Variants in SLC35F1 observed in about 807,000 individuals in gnomAD.
SLC35F1 encodes the protein chromosome 6 open reading frame 169.
A neutral mutation model predicts 48.7 loss-of-function variants in SLC35F1; 14 were observed. That is an observed-to-expected ratio of 0.29 (90% confidence interval 0.19 to 0.45). SLC35F1 has a LOEUF of 0.45. Among genes scored for constraint, SLC35F1 ranks in the 20% least tolerant of loss-of-function variants. The pLI is 1.00. For synonymous variants in SLC35F1, 190 were observed against 202.2 expected, an observed-to-expected ratio of 0.94 and a Z score of 0.51; for missense variants, 404 against 500.0, an observed-to-expected ratio of 0.81 and a Z score of 1.83.
intron 2 of SLC35F1, among the ~76,000 whole-genome samples, chr6:118,226,103 A>G (rs1441823915): frequency 6.6e-6 from 1 of 152,244 alleles, no homozygotes; most frequent in African/African-American, 2.4e-5. Context: ...CAAATGGCCA[A>G]CAGGTACATG....
chr6:117,993,613 A>G (rs1385083032), intron 1 of SLC35F1, among the ~76,000 whole-genome samples: 1 of 152,128 alleles, frequency 6.6e-6, no homozygotes, highest in Admixed American at 6.5e-5. Context: ...GTATTCCCCG[A>G]GAACAACTCA....
At chr6:118,091,927 G>C (rs375783735) in intron 1 of SLC35F1, among the ~76,000 whole-genome samples, 1 of 152,192 alleles carries the variant, frequency 6.6e-6, no homozygotes, top group African/African-American at 2.4e-5. Context: ...TTTTGACCCT[G>C]CCCTAGAGAT....
At chr6:118,081,400 A>G (rs1416028927) in intron 1 of SLC35F1, among the ~76,000 whole-genome samples, 2 of 151,880 alleles carry the variant, frequency 1.3e-5, no homozygotes, top group Non-Finnish European at 2.9e-5. Context: ...GGAGGCTGAG[A>G]TGGGAGGATT....
At chr6:118,106,150 C>T (rs943879922) in intron 1 of SLC35F1, among the ~76,000 whole-genome samples, 1 of 152,096 alleles carries the variant, frequency 6.6e-6, no homozygotes, top group Non-Finnish European at 1.5e-5. Flanking sequence ...TACCTGTCCT[C>T]TCCTCCTCAC....
intron 1 of SLC35F1, among the ~76,000 whole-genome samples, chr6:118,031,683 G>A (rs946998212): frequency 7.9e-5 from 12 of 152,214 alleles, no homozygotes; most frequent in Non-Finnish European, 1.5e-4. Context: ...CTCCTGCAGA[G>A]TAGGGCAACC....
At chr6:118,304,519 G>T (rs1776290003) in intron 7 of SLC35F1, among the ~76,000 whole-genome samples, 1 of 152,110 alleles carries the variant, frequency 6.6e-6, no homozygotes, top group Non-Finnish European at 1.5e-5. Context: ...TGGGTTGATT[G>T]TTCTGTTCTT....
chr6:118,002,779 C>G (rs1015696239), intron 1 of SLC35F1, among the ~76,000 whole-genome samples: 1 of 151,202 alleles, frequency 6.6e-6, no homozygotes, highest in Admixed American at 6.6e-5. Flanking sequence ...TCTAACCTGT[C>G]TGGAAGAAAA....
chr6:118,266,687 G>A (rs1325687184), intron 3 of SLC35F1, among the ~76,000 whole-genome samples: 1 of 152,116 alleles, frequency 6.6e-6, no homozygotes, highest in Non-Finnish European at 1.5e-5. Context: ...TGGCCCTGAG[G>A]AAGACAGGAG....
At chr6:118,137,360 AG>A (rs1773812113) in intron 1 of SLC35F1, among the ~76,000 whole-genome samples, 1 of 152,242 alleles carries the variant, frequency 6.6e-6, no homozygotes, top group South Asian at 2.1e-4. Flanking sequence ...CAAGAGTGGA[AG>A]AAATGGTGAC....
chr6:118,275,352 A>C, intron 4 of SLC35F1, 107 bp from the exon 5 acceptor site: 2 of 1,191,282 alleles, frequency 1.7e-6, no homozygotes, highest in African/African-American at 3.1e-5. Context: ...CTTCTATAAA[A>C]ATGTCAAAAT....
At chr6:118,125,376 TG>T (rs11355076) in intron 1 of SLC35F1, among the ~76,000 whole-genome samples, 35,659 of 142,792 alleles carry the variant, frequency 0.25, 4,523 homozygotes, top group East Asian at 0.35. Context: ...TATGGTATTT[TG>T]GGGGGGGGGA....
chr6:118,044,666 G>A (rs909068493), intron 1 of SLC35F1, among the ~76,000 whole-genome samples: 14 of 152,046 alleles, frequency 9.2e-5, no homozygotes, highest in African/African-American at 3.4e-4. Context: ...AAATAATTAA[G>A]AATTATTCCA....
chr6:117,957,852 T>A (rs561925650), intron 1 of SLC35F1, among the ~76,000 whole-genome samples: 1 of 152,346 alleles, frequency 6.6e-6, no homozygotes, highest in African/African-American at 2.4e-5. Context: ...GTGAACAAGT[T>A]ACTGGCTTAT....
chr6:118,204,140 G>A (rs538271444), intron 2 of SLC35F1, among the ~76,000 whole-genome samples: 36 of 151,728 alleles, frequency 2.4e-4, no homozygotes, highest in Non-Finnish European at 3.1e-4. Flanking sequence ...GAGTGAGAGT[G>A]AGCAGGAGAG....
At chr6:117,962,359 T>C (rs1303762847) in intron 1 of SLC35F1, among the ~76,000 whole-genome samples, 1 of 152,210 alleles carries the variant, frequency 6.6e-6, no homozygotes, top group African/African-American at 2.4e-5. Context: ...CAGTGAGAAT[T>C]ATTTTTTCCC....
chr6:117,925,476 A>G (rs999166143), intron 1 of SLC35F1, among the ~76,000 whole-genome samples: 1 of 152,170 alleles, frequency 6.6e-6, no homozygotes, highest in Non-Finnish European at 1.5e-5. Context: ...TTATTTAGCA[A>G]CTGATTGCAT....
intron 4 of SLC35F1, among the ~76,000 whole-genome samples, chr6:118,268,514 T>C (rs1350926522): frequency 1.3e-5 from 2 of 150,830 alleles, no homozygotes; most frequent in African/African-American, 2.4e-5. Context: ...ATATGAATAA[T>C]CTTTTTGGAC....
At chr6:118,219,026 C>G (rs1458269769) in intron 2 of SLC35F1, among the ~76,000 whole-genome samples, 1 of 152,066 alleles carries the variant, frequency 6.6e-6, no homozygotes, top group African/African-American at 2.4e-5. Context: ...TTAAATGGAG[C>G]TTTTGAAGGA....
At chr6:117,908,671 G>C (rs975648061) in intron 1 of SLC35F1, among the ~76,000 whole-genome samples, 2 of 152,260 alleles carry the variant, frequency 1.3e-5, no homozygotes, top group Non-Finnish European at 2.9e-5. Flanking sequence ...GACCTGGGTT[G>C]ACGTGAAAAT....
Sources: gnomAD v4.1 joint callset for allele counts (sites outside exome capture counted in the v4.1 genomes callset) on GRCh38, gnomAD v4.1.1 for gene constraint, MANE v1.5 for transcripts, NCBI Gene and HGNC (gene_info 2026-07-23, HGNC 2026-07-21) for gene names.